The following SCN9A variants were observed in gnomAD, a reference collection of about 807,000 sequenced individuals.
SCN9A encodes the protein sodium voltage-gated channel alpha subunit 9.
SCN9A carries 131 observed loss-of-function variants against 187.0 expected under a neutral mutation model. The observed-to-expected ratio is 0.70, with a 90% CI of 0.61 to 0.81. The LOEUF (loss-of-function observed/expected upper bound fraction) is 0.81. SCN9A is among the 30% of genes least tolerant of loss of function. The probability of loss-of-function intolerance (pLI) is 0.00; values close to 1 mark genes in which losing one functional copy is unlikely to be tolerated. For missense variants in SCN9A, 2,252 were observed against 2,396.6 expected (o/e 0.94, Z 1.26); for synonymous variants, 809 against 808.6 (o/e 1.00, Z -0.01).
At chr2:166,346,978 A>C (rs1389331183) in intron 1 of SCN9A, among the ~76,000 whole-genome samples, 2 of 152,196 alleles carry the variant, frequency 1.3e-5, no homozygotes, top group African/African-American at 4.8e-5. Context: ...TCAAATGAAA[A>C]AATAAAATAG....
chr2:166,299,204 A>G (rs1222307850), intron 7 of SCN9A, among the ~76,000 whole-genome samples: 3 of 151,300 alleles, frequency 2.0e-5, no homozygotes. Context: ...ACAAAAACCC[A>G]TATATTTTTT....
Position 166,246,583 on chromosome 2 carries a change from T to A in SCN9A, c.3473-3927A>T, listed in dbSNP as rs187465818. On this transcript the variant is annotated intron_variant, in intron 18 of 26. Transcript: ENST00000642356. ...AGCGAAAAAAATGAGATGAATTTTT[T>A]AATATTAACTTAGTGCTTTAGAATT... Among the ~76,000 whole-genome samples the A allele has an allele frequency of 3.2e-3, 481 of 152,186 alleles. 1 individual carries two copies. Among genetic ancestry groups the A allele is most frequent in the African/African-American group, 0.011 (452 of 41,556 alleles).
intron 16 of SCN9A, among the ~76,000 whole-genome samples, chr2:166,275,257 C>T (rs1697179640): frequency 6.6e-6 from 1 of 152,076 alleles, no homozygotes; most frequent in South Asian, 2.1e-4. Flanking sequence ...TTATACCTTT[C>T]CCAATTTCAC....
At chr2:166,314,088 T>A (rs1266244709) in intron 1 of SCN9A, among the ~76,000 whole-genome samples, 1 of 152,132 alleles carries the variant, frequency 6.6e-6, no homozygotes. Context: ...AGATCACTGA[T>A]CATAGATCAC....
intron 1 of SCN9A, among the ~76,000 whole-genome samples, chr2:166,362,682 A>G (rs771998562): frequency 1.3e-5 from 2 of 151,928 alleles, no homozygotes; most frequent in Non-Finnish European, 2.9e-5. Context: ...TCAGAATCCA[A>G]GACTCCTGAT....
At chr2:166,224,780 AT>A (rs1043196272) in intron 24 of SCN9A, among the ~76,000 whole-genome samples, 2 of 152,092 alleles carry the variant, frequency 1.3e-5, no homozygotes, top group African/African-American at 4.8e-5. Context: ...TGCTAGATTA[AT>A]TTTTTGTAAA....
At chr2:166,273,798 C>T (rs1035088256) in intron 16 of SCN9A, among the ~76,000 whole-genome samples, 2 of 152,094 alleles carry the variant, frequency 1.3e-5, no homozygotes, top group Non-Finnish European at 2.9e-5. Flanking sequence ...AAATCATCTA[C>T]CTCATGTTTT....
chr2:166,271,019 A>G (rs1696957674), intron 17 of SCN9A, among the ~76,000 whole-genome samples: 1 of 152,120 alleles, frequency 6.6e-6, no homozygotes, highest in Admixed American at 6.6e-5. Context: ...ATAAAACTCA[A>G]TACATACCTT....
chr2:166,237,036 A>T lies in SCN9A; in HGVS notation c.3801+1058T>A, dbSNP rs1695348238. On this transcript the variant is annotated intron_variant, in intron 20 of 26. Coordinates refer to ENST00000642356, the MANE Select transcript of SCN9A (RefSeq NM_001365536.1). ...TGATTATAGGATGTTTCTTCCCTAA[A>T]CACAAAGGTTAGGTTTCTGAAAATC... 3.3e-5 allele frequency among the ~76,000 whole-genome samples: 5 copies of T among 152,178 alleles called. No individual in the cohort carries two copies. In the South Asian group the frequency reaches 8.3e-4, roughly 25 times the overall value.
intron 23 of SCN9A, 109 bp from the exon 24 acceptor site, chr2:166,226,813 G>T (rs1235602114): frequency 1.5e-6 from 1 of 688,724 alleles, no homozygotes; most frequent in Admixed American, 3.9e-5. Context: ...GTAAACATAG[G>T]ATTTAAGAAG....
Position 166,198,836 on chromosome 2 carries a change from C to T in SCN9A, c.5803G>A (p.Asp1935Asn), listed in dbSNP as rs1693330537. Residue 1935 changes from aspartate to asparagine, a missense_variant, in exon 27 of 27, where the codon GAT (aspartate) becomes AAT (asparagine). This residue lies in a region of SCN9A where 345 missense variants were observed against 344.6 expected (regional missense o/e 1.00). Coordinates refer to ENST00000642356, the MANE Select transcript of SCN9A (RefSeq NM_001365536.1). ...GGACTTGAGTTCTCATTAACATTAT[C>T]AAAAGCCATATCTTTTTTATTGAGT... ...DLLNKKDMAF[D>N]NVNENSSPEK... The T allele has an allele frequency of 6.2e-7, 1 of 1,613,404 alleles. No homozygotes were observed. Among genetic ancestry groups the T allele is most frequent in the Admixed American group, 1.7e-5 (1 of 59,926 alleles).
intron 26 of SCN9A, among the ~76,000 whole-genome samples, chr2:166,203,622 T>C (rs1693649948): frequency 6.6e-6 from 1 of 151,932 alleles, no homozygotes; most frequent in South Asian, 2.1e-4. Context: ...AACCAGAAGT[T>C]ATTTCAGATT....
chr2:166,349,764 G>T (rs1191892013), intron 1 of SCN9A, among the ~76,000 whole-genome samples: 1 of 152,062 alleles, frequency 6.6e-6, no homozygotes, highest in Non-Finnish European at 1.5e-5. Context: ...CCTGAAGTCG[G>T]GAGTTCGAGA....
intron 7 of SCN9A, chr2:166,298,755 C>G (rs1252574327): frequency 1.3e-5 from 2 of 152,232 alleles, no homozygotes; most frequent in African/African-American, 2.4e-5. Flanking sequence ...TACACATAAT[C>G]TGGCATCTGT....
chr2:166,296,598 A>T (rs1698312336), intron 7 of SCN9A, among the ~76,000 whole-genome samples: 1 of 152,204 alleles, frequency 6.6e-6, no homozygotes, highest in Non-Finnish European at 1.5e-5. Context: ...ATGCTGGTTC[A>T]CATTTATCAA....
intron 1 of SCN9A, among the ~76,000 whole-genome samples, chr2:166,354,107 T>C (rs1010737755): frequency 1.5e-5 from 2 of 137,312 alleles, no homozygotes; most frequent in Admixed American, 7.2e-5. Context: ...ACATTTACAA[T>C]AATCCATAAC....
intron 1 of SCN9A, among the ~76,000 whole-genome samples, chr2:166,337,283 AG>A (rs1249991472): frequency 6.6e-6 from 1 of 152,094 alleles, no homozygotes; most frequent in African/African-American, 2.4e-5. Flanking sequence ...AGAGGAAACT[AG>A]GAGGATGAGG....
At chr2:166,314,453 T>C (rs1341241988) in intron 1 of SCN9A, among the ~76,000 whole-genome samples, 2 of 152,224 alleles carry the variant, frequency 1.3e-5, no homozygotes, top group African/African-American at 4.8e-5. Flanking sequence ...GCAATTCCAC[T>C]ACTTGGTACA....
intron 19 of SCN9A, among the ~76,000 whole-genome samples, chr2:166,238,802 TAGAAC>T: frequency 6.6e-6 from 1 of 151,476 alleles, no homozygotes; most frequent in East Asian, 2.0e-4. Context: ...AATAGGCCTA[TAGAAC>T]ACAGAGGGTG....
Sources: gnomAD v4.1 joint callset for allele counts (sites outside exome capture counted in the v4.1 genomes callset) on GRCh38, gnomAD v4.1.1 for gene constraint, gnomAD v4.1.1 regional missense constraint, MANE v1.5 for transcripts, NCBI Gene and HGNC (gene_info 2026-07-23, HGNC 2026-07-21) for gene names.